The following PRKG1 variants were observed in gnomAD, a reference collection of about 807,000 sequenced individuals.
The protein encoded by PRKG1 is protein kinase cGMP-dependent 1.
A neutral mutation model predicts 88.1 loss-of-function variants in PRKG1; 35 were observed. That is an observed-to-expected ratio of 0.40 (90% CI 0.30 to 0.53). PRKG1 has a LOEUF of 0.53. Among genes scored for constraint, PRKG1 ranks in the 20% least tolerant of loss-of-function variants. The probability of loss-of-function intolerance (pLI) is 0.59; values close to 1 mark genes in which losing one functional copy is unlikely to be tolerated. For synonymous variants in PRKG1, 303 were observed against 292.5 expected, an observed-to-expected ratio of 1.04 and a Z score of -0.37; for missense variants, 540 against 839.8, an observed-to-expected ratio of 0.64 and a Z score of 4.41.
intron 4 of PRKG1, among the ~76,000 whole-genome samples, chr10:51,819,308 C>G (rs181086729): frequency 1.3e-5 from 2 of 152,110 alleles, no homozygotes; most frequent in Admixed American, 6.5e-5. Context: ...CTCACTCACC[C>G]TTTTCCCATC....
intron 1 of PRKG1, among the ~76,000 whole-genome samples, chr10:51,012,353 G>A (rs10995366): frequency 0.19 from 28,656 of 152,128 alleles, 3,331 homozygotes; most frequent in South Asian, 0.3. Context: ...AAATCTTAAC[G>A]TCTTAAGGTT....
chr10:51,190,911 CCAGACATGTTATGGATGAA>C (rs2132039848), intron 2 of PRKG1, among the ~76,000 whole-genome samples: 1 of 151,744 alleles, frequency 6.6e-6, no homozygotes, highest in East Asian at 1.9e-4. Flanking sequence ...TACTATGGAG[CCAGACATGTTATGGATGAA>C]CAATAATATG....
intron 3 of PRKG1, among the ~76,000 whole-genome samples, chr10:51,527,019 G>A (rs1462537812): frequency 6.6e-6 from 1 of 152,130 alleles, no homozygotes; most frequent in African/African-American, 2.4e-5. Context: ...ACTCCAAACT[G>A]CCATTTTAGA....
At chr10:52,000,281 A>G (rs1844561336) in intron 5 of PRKG1, among the ~76,000 whole-genome samples, 1 of 151,682 alleles carries the variant, frequency 6.6e-6, no homozygotes, top group Non-Finnish European at 1.5e-5. Context: ...TTTTTCGTAG[A>G]CTATACATAA....
intron 9 of PRKG1, among the ~76,000 whole-genome samples, chr10:52,217,667 G>A (rs1029398894): frequency 1.3e-5 from 2 of 152,110 alleles, no homozygotes; most frequent in East Asian, 3.9e-4. Context: ...GTCTCCTACT[G>A]GATAGGAGAC....
At chr10:51,126,128 AT>A (rs1272711274) in intron 1 of PRKG1, among the ~76,000 whole-genome samples, 6 of 120,380 alleles carry the variant, frequency 5.0e-5, no homozygotes, top group Non-Finnish European at 9.5e-5. Context: ...ATTATATTTA[AT>A]TTTATAATTA....
chr10:52,109,928 C>T (rs1476725679), intron 7 of PRKG1, among the ~76,000 whole-genome samples: 1 of 152,060 alleles, frequency 6.6e-6, no homozygotes, highest in East Asian at 1.9e-4. Context: ...TATCACACCA[C>T]TTCCCACTTC....
At chr10:51,588,334 T>C (rs148222908) in intron 3 of PRKG1, among the ~76,000 whole-genome samples, 1 of 148,162 alleles carries the variant, frequency 6.7e-6, no homozygotes, top group East Asian at 2.0e-4. Context: ...CTAAAATCTT[T>C]TATCTAGAAC....
intron 3 of PRKG1, among the ~76,000 whole-genome samples, chr10:51,515,488 A>G (rs191296806): frequency 2.6e-5 from 4 of 152,336 alleles, no homozygotes; most frequent in African/African-American, 9.6e-5. Context: ...TCTTAGTACT[A>G]TTCAACCTGA....
chr10:51,327,479 T>A (rs1469653965), intron 2 of PRKG1, among the ~76,000 whole-genome samples: 1 of 152,084 alleles, frequency 6.6e-6, no homozygotes, highest in Non-Finnish European at 1.5e-5. Flanking sequence ...TTTTCTTTTT[T>A]AAAAATGTTT....
chr10:52,052,650 C>T (rs1484891144), intron 5 of PRKG1, among the ~76,000 whole-genome samples: 1 of 152,026 alleles, frequency 6.6e-6, no homozygotes, highest in Non-Finnish European at 1.5e-5. Context: ...TGGTGGCAGA[C>T]AAGACACAAT....
intron 2 of PRKG1, among the ~76,000 whole-genome samples, chr10:51,196,061 A>G (rs1837756334): frequency 6.6e-6 from 1 of 152,200 alleles, no homozygotes; most frequent in African/African-American, 2.4e-5. Context: ...AAGAAAGAGA[A>G]GGGAGGATCC....
intron 3 of PRKG1, among the ~76,000 whole-genome samples, chr10:51,727,708 T>C (rs762093677): frequency 5.3e-5 from 8 of 152,150 alleles, no homozygotes; most frequent in Non-Finnish European, 1.0e-4. Context: ...TAGCTGACTA[T>C]AAGATTTATG....
rs188171593 is a variant in PRKG1, at chr10:52,167,915, C to T, written c.1076+5952C>T. On this transcript the variant is annotated intron_variant, in intron 9 of 17. Transcript: ENST00000373980. ...ATATTGCTCTTTATTAACTTCTTCT[C>T]TTGTCAAAATCTATGTGAAGCCTCC... Among the ~76,000 whole-genome samples, 545 of 152,182 alleles carry T rather than the reference C, an allele frequency of 3.6e-3. 3 individuals are homozygous for T. Among genetic ancestry groups the T allele is most frequent in the Non-Finnish European group, 4.0e-3 (274 of 67,990 alleles).
chr10:51,498,746 A>G lies in PRKG1; in HGVS notation c.592+30910A>G, dbSNP rs550049602. The stretch of plus-strand genomic sequence containing the variant: ...ATCTCTTAAGTGGGTGAGGAAGTGC[A>G]CTAAATCCGAATGTACTGAGGTTGA... On this transcript the variant is annotated intron_variant, in intron 3 of 17. Coordinates refer to ENST00000373980, the MANE Select transcript of PRKG1 (RefSeq NM_006258.4). 2.6e-5 allele frequency among the ~76,000 whole-genome samples: 4 copies of G among 152,190 alleles called. No homozygotes were observed. The South Asian group carries it at 8.3e-4, about 31-fold the overall frequency.
In PRKG1 at chr10:51,991,151, T is replaced by C. The variant is rs117798124; in HGVS notation, c.763-63333T>C. 1.3e-3 allele frequency among the ~76,000 whole-genome samples: 196 copies of C among 152,260 alleles called. 6 individuals are homozygous for C. In the East Asian group the frequency reaches 0.034, roughly 27 times the overall value. On this transcript the variant is annotated intron_variant, in intron 5 of 17. Coordinates refer to ENST00000373980, the MANE Select transcript of PRKG1 (RefSeq NM_006258.4). ...TTTCAGATACTTTTCTATTGGTGTA[T>C]AGAAATGCTACTGATTATTCCTGTT...
At chr10:51,187,526 A>G (rs1326834483) in intron 2 of PRKG1, among the ~76,000 whole-genome samples, 2 of 151,992 alleles carry the variant, frequency 1.3e-5, no homozygotes, top group African/African-American at 4.8e-5. Flanking sequence ...TGCTTGTCTT[A>G]CCACCCAAAT....
intron 3 of PRKG1, among the ~76,000 whole-genome samples, chr10:51,549,126 T>C (rs1460766556): frequency 1.7e-4 from 19 of 113,716 alleles, no homozygotes; most frequent in African/African-American, 4.5e-4. Context: ...TTTTCTTTTT[T>C]TTTTTTTTTT....
At chr10:51,985,846 G>C (rs183778562) in intron 5 of PRKG1, among the ~76,000 whole-genome samples, 1 of 151,926 alleles carries the variant, frequency 6.6e-6, no homozygotes, top group African/African-American at 2.4e-5. Flanking sequence ...ATTTACAATG[G>C]GGTTACATCC....
Sources: gnomAD v4.1 joint callset for allele counts (sites outside exome capture counted in the v4.1 genomes callset) on GRCh38, gnomAD v4.1.1 for gene constraint, MANE v1.5 for transcripts, NCBI Gene and HGNC (gene_info 2026-07-23, HGNC 2026-07-21) for gene names.